CCDC158: variants seen among roughly 807,000 people sequenced by gnomAD.
CCDC158 encodes the protein coiled-coil domain containing 158.
In CCDC158, 116 loss-of-function variants were observed where a neutral mutation model predicts 138.6. The observed-to-expected ratio is 0.84, with a 90% CI of 0.72 to 0.98. CCDC158 has a LOEUF of 0.98. Among genes scored for constraint, CCDC158 ranks in the 50% least tolerant of loss-of-function variants. The pLI is 0.00. For synonymous variants in CCDC158, 436 were observed against 442.4 expected (o/e 0.99, Z 0.18); for missense variants, 1,265 against 1,306.1 (o/e 0.97, Z 0.48).
intron 13 of CCDC158, among the ~76,000 whole-genome samples, chr4:76,358,012 T>C (rs80010816): frequency 4.5e-4 from 62 of 138,556 alleles, no homozygotes; most frequent in South Asian, 7.4e-4. Context: ...CACACACACA[T>C]ATTTATTTAT....
At chr4:76,370,257 A>G (rs1454383854) in intron 10 of CCDC158, among the ~76,000 whole-genome samples, 1 of 152,232 alleles carries the variant, frequency 6.6e-6, no homozygotes, top group Non-Finnish European at 1.5e-5. Flanking sequence ...AACAAAGATA[A>G]GGAATAGCAG....
At chr4:76,376,775 C>A (rs549253016) in intron 9 of CCDC158, among the ~76,000 whole-genome samples, 5 of 152,132 alleles carry the variant, frequency 3.3e-5, no homozygotes, top group African/African-American at 9.7e-5. Context: ...TTAAGACAGT[C>A]TAGTTAACCA....
At chr4:76,325,297 G>C (rs1426278649) in intron 23 of CCDC158, among the ~76,000 whole-genome samples, 2 of 152,086 alleles carry the variant, frequency 1.3e-5, no homozygotes, top group African/African-American at 4.8e-5. Context: ...TAGAACACTG[G>C]GGTTGTTTGG....
At position 76,355,440 on chromosome 4, in the gene CCDC158, GAAA is replaced by G; in HGVS notation, c.2174-7_2174-5del. On this transcript the variant is annotated splice_region_variant and splice_polypyrimidine_tract_variant and intron_variant, in intron 14 of 24. Transcript: ENST00000682701. ...ATCCCCATTGCCACTTTCATAGCTG[GAAA>G]AAAAAAAGAGGCAAACTATGCCTTA... 7.1e-7 allele frequency: 1 copy of G among 1,414,858 alleles called. No individual in the cohort carries two copies. The highest frequency in any genetic ancestry group is 9.6e-7 in the Non-Finnish European group (1 of 1,041,244). The allele number at this position is 1,414,858 out of a possible 1,614,324, so 87.6% of individuals were successfully genotyped here.
intron 9 of CCDC158, among the ~76,000 whole-genome samples, chr4:76,378,568 C>T (rs1195449890): frequency 6.6e-6 from 1 of 152,174 alleles, no homozygotes; most frequent in Non-Finnish European, 1.5e-5. Context: ...TAAACCGAGA[C>T]TGTCCCAGGC....
Position 76,384,611 on chromosome 4 carries a change from A to G in CCDC158, c.343T>C (p.Leu115=). The G allele has an allele frequency of 6.2e-7, 1 of 1,613,856 alleles. No individual in the cohort carries two copies. The highest frequency in any genetic ancestry group is 1.1e-5 in the South Asian group (1 of 90,990). The change falls in exon 5 of 25, where the codon TTG becomes CTG. Residue 115 remains leucine, a synonymous_variant. Transcript: ENST00000682701. ...KFYLRQSVID[L]QTKLQEMQME... Reference sequence around the variant, plus strand: ...TGCATCTCCTGAAGTTTTGTTTGCAAATCAATGACTGACTGCCTCAAATAA... The same window carrying G: ...TGCATCTCCTGAAGTTTTGTTTGCAGATCAATGACTGACTGCCTCAAATAA...
At chr4:76,409,999 T>C (rs1160853785) in intron 2 of CCDC158, among the ~76,000 whole-genome samples, 3 of 151,924 alleles carry the variant, frequency 2.0e-5, no homozygotes, top group African/African-American at 7.3e-5. Flanking sequence ...GTTATATAGC[T>C]GAGATAAAGC....
At chr4:76,358,086 A>G (rs376889987) in intron 13 of CCDC158, among the ~76,000 whole-genome samples, 1 of 152,326 alleles carries the variant, frequency 6.6e-6, no homozygotes, top group South Asian at 2.1e-4. Flanking sequence ...CCATTTGTCC[A>G]GACATCTCCA....
intron 14 of CCDC158, among the ~76,000 whole-genome samples, chr4:76,356,091 A>T (rs186738610): frequency 9.3e-4 from 141 of 152,294 alleles, no homozygotes; most frequent in African/African-American, 3.3e-3. Flanking sequence ...AGGATTGAAA[A>T]TGCCACAGCT....
intron 23 of CCDC158, among the ~76,000 whole-genome samples, chr4:76,325,045 C>G (rs1335038499): frequency 6.6e-6 from 1 of 151,826 alleles, no homozygotes; most frequent in Non-Finnish European, 1.5e-5. Flanking sequence ...TTGCCCACCA[C>G]AGAACAGGAA....
intron 20 of CCDC158, 121 bp from the exon 21 acceptor site, chr4:76,331,524 G>A (rs1721010584): frequency 1.3e-6 from 1 of 755,066 alleles, no homozygotes; most frequent in Admixed American, 2.2e-5. Context: ...TCATCTGACA[G>A]CTGGATAAAT....
chr4:76,384,109 A>G lies in CCDC158; in HGVS notation c.705T>C (p.Tyr235=), dbSNP rs1355935170. The stretch of plus-strand genomic sequence containing the variant: ...TTACTGGAAATATCCTCCCTTTAAG[A>G]TAAGAAATCTCTGTGTCTAATTCTC... The part of the protein sequence containing the change: ...ILRELDTEIS[Y]LKGRIFPVED... The change falls in exon 6 of 25, where the codon TAT becomes TAC. Residue 235 remains tyrosine, a synonymous_variant. Transcript: ENST00000682701. The G allele has an allele frequency of 6.8e-6, 11 of 1,607,460 alleles. No homozygotes were observed. Among genetic ancestry groups the G allele is most frequent in the Non-Finnish European group, 9.4e-6 (11 of 1,175,644 alleles).
At chr4:76,370,011 G>A (rs1424009879) in intron 10 of CCDC158, among the ~76,000 whole-genome samples, 1 of 152,194 alleles carries the variant, frequency 6.6e-6, no homozygotes, top group Non-Finnish European at 1.5e-5. Context: ...AAGGAAAAAT[G>A]ATAAGTAATG....
At chr4:76,356,326 T>G (rs566068952) in intron 14 of CCDC158, among the ~76,000 whole-genome samples, 2 of 152,154 alleles carry the variant, frequency 1.3e-5, no homozygotes, top group East Asian at 3.9e-4. Flanking sequence ...ATGGTCTGAT[T>G]AAGTGGATCA....
chr4:76,314,619 A>G (rs1052259164), intron 24 of CCDC158, among the ~76,000 whole-genome samples: 3 of 152,228 alleles, frequency 2.0e-5, no homozygotes, highest in African/African-American at 4.8e-5. Flanking sequence ...GGGAACCTGA[A>G]AATCCAGATT....
intron 1 of CCDC158, among the ~76,000 whole-genome samples, chr4:76,418,113 G>T (rs1054965832): frequency 1.8e-4 from 28 of 152,276 alleles, no homozygotes; most frequent in African/African-American, 5.5e-4. Flanking sequence ...AGCACTGGAG[G>T]ATTTTAATCA....
intron 11 of CCDC158, among the ~76,000 whole-genome samples, chr4:76,369,012 G>A (rs976048024): frequency 6.6e-6 from 1 of 151,948 alleles, no homozygotes; most frequent in East Asian, 1.9e-4. Context: ...TCATGAGATC[G>A]AGACCATCCT....
At position 76,357,525 on chromosome 4, in the gene CCDC158, CT is replaced by C. The variant is rs1560419270; in HGVS notation, c.2021del (p.Glu674GlyfsTer6). On this transcript the variant is annotated frameshift_variant and splice_region_variant, in exon 14 of 25. Transcript: ENST00000682701. LOFTEE classifies it high-confidence loss of function. ...AATTCCTTTTTAAGACTTCATACTC[CT>C]CTATACAATGTGATAATCAATAATA... ...TSRSELNNLS[E>X]EYEVLKRNFR... The C allele has an allele frequency of 6.5e-7, 1 of 1,535,654 alleles. No homozygotes were observed. The highest frequency in any genetic ancestry group is 1.3e-5 in the South Asian group (1 of 77,700).
At chr4:76,396,583 T>TCAC (rs1226227658) in intron 3 of CCDC158, 97 bp from the exon 4 acceptor site, 1 of 832,556 alleles carries the variant, frequency 1.2e-6, no homozygotes, top group Non-Finnish European at 1.9e-6. Context: ...GCGATCTTGC[T>TCAC]CACTGCAACC....
Sources: allele counts gnomAD v4.1 joint callset (sites outside exome capture counted in the v4.1 genomes callset), GRCh38; gene constraint gnomAD v4.1.1; transcripts MANE v1.5; gene names NCBI Gene and HGNC (gene_info 2026-07-23, HGNC 2026-07-21).